SLC26A11: variants seen among roughly 807,000 people sequenced by gnomAD.
SLC26A11 encodes the protein sodium-independent sulfate anion transporter.
SLC26A11 carries 58 observed loss-of-function variants against 62.2 expected under a neutral mutation model. That is an observed-to-expected ratio of 0.93 (90% confidence interval 0.76 to 1.16). The LOEUF is 1.16. Ranked by LOEUF, SLC26A11 falls within the 50% of genes most tolerant of loss-of-function variation. SLC26A11 has a pLI of 0.00. For synonymous variants in SLC26A11, 411 were observed against 368.9 expected (o/e 1.11, Z -1.31); for missense variants, 790 against 794.3 (o/e 0.99, Z 0.06).
chr17:80,229,335 C>T (rs926609178), intron 7 of SLC26A11, among the ~76,000 whole-genome samples: 7 of 152,028 alleles, frequency 4.6e-5, no homozygotes, highest in African/African-American at 7.3e-5. Flanking sequence ...CCAGCCTGGC[C>T]TGGGTTTAGA....
rs2042986143 is a variant in SLC26A11, at chr17:80,246,091, T to C, written c.1098-63T>C. On this transcript the variant is annotated intron_variant, in intron 11 of 17. Coordinates refer to ENST00000361193, the MANE Select transcript of SLC26A11 (RefSeq NM_001166347.2). The surrounding 1 kb of genome is among the most constrained non-coding windows in gnomAD (Gnocchi z 4.4). ...CCCCTCGGAAGATCAGCCACAGGAG[T>C]GTGGACTGAGGTCTCCCTTTTCCCG... The C allele has an allele frequency of 6.3e-6, 10 of 1,577,960 alleles. 1 individual carries two copies. In the South Asian group the frequency reaches 8.9e-5, roughly 14 times the overall value.
intron 5 of SLC26A11, among the ~76,000 whole-genome samples, chr17:80,224,350 T>C (rs1415253142): frequency 2.2e-5 from 3 of 138,494 alleles, no homozygotes; most frequent in Non-Finnish European, 3.1e-5. Context: ...TGAGAGTGGG[T>C]GTGGGTGTGA....
chr17:80,240,168 C>A (rs1441832617), intron 9 of SLC26A11, among the ~76,000 whole-genome samples: 1 of 151,992 alleles, frequency 6.6e-6, no homozygotes, highest in East Asian at 1.9e-4. Flanking sequence ...GAGATGGAGA[C>A]CATCCTGGCT....
intron 10 of SLC26A11, among the ~76,000 whole-genome samples, chr17:80,242,999 G>A (rs2042904974): frequency 6.6e-6 from 1 of 152,056 alleles, no homozygotes; most frequent in South Asian, 2.1e-4. Context: ...GAGCCACCGC[G>A]CCTGGCCCAG....
At chr17:80,238,966 C>T (rs2042780860) in intron 9 of SLC26A11, among the ~76,000 whole-genome samples, 1 of 151,994 alleles carries the variant, frequency 6.6e-6, no homozygotes, top group South Asian at 2.1e-4. Context: ...GCTGGGAATA[C>T]AGGCATGCGC....
rs1411593674 is a variant in SLC26A11 at position 80,228,455 on chromosome 17, C to G, written c.736+495C>G. On this transcript the variant is annotated intron_variant, in intron 7 of 17. Transcript: ENST00000361193. The surrounding 1 kb of genome is among the most constrained non-coding windows in gnomAD (Gnocchi z 4.1). Reference sequence around the variant, plus strand: ...CCCAAACTCTAGAACATTTAAAACTCTGAGCCAAACTCGGTGGGTTCTGAT... The same window carrying G: ...CCCAAACTCTAGAACATTTAAAACTGTGAGCCAAACTCGGTGGGTTCTGAT... Among the ~76,000 whole-genome samples, 1 of 152,198 alleles carries G rather than the reference C, an allele frequency of 6.6e-6. No individual in the cohort carries two copies. The highest frequency in any genetic ancestry group is 1.5e-5 in the Non-Finnish European group (1 of 68,034).
chr17:80,222,862 T>A lies in SLC26A11; in HGVS notation c.427+15T>A. 1 of 1,612,362 alleles carries A rather than the reference T, an allele frequency of 6.2e-7. No homozygotes were observed. On this transcript the variant is annotated intron_variant, in intron 4 of 17. Transcript: ENST00000361193. This position sits in a 1 kb window ranked among gnomAD's most constrained non-coding sequence, Gnocchi z 4.7. The stretch of plus-strand genomic sequence containing the variant: ...CCTGCGTTTGGGTGAGGCTCTACCT[T>A]CTTGCCAAGGGGATGCCCTCGACCT...
At chr17:80,231,141 C>CTT (rs34366910) in intron 7 of SLC26A11, among the ~76,000 whole-genome samples, 3 of 97,488 alleles carry the variant, frequency 3.1e-5, no homozygotes, top group Non-Finnish European at 5.9e-5. Context: ...TAACTTTATC[C>CTT]TTTTTTTTTT....
intron 5 of SLC26A11, 187 bp from the exon 6 acceptor site, chr17:80,225,650 C>T (rs1479238175): frequency 1.2e-5 from 7 of 598,024 alleles, no homozygotes; most frequent in Non-Finnish European, 2.1e-5. Flanking sequence ...CTTTGATCTC[C>T]TGCCCTAGGG....
At chr17:80,251,134 A>C (rs1207570567) in intron 16 of SLC26A11, among the ~76,000 whole-genome samples, 195 bp from the exon 17 acceptor site, 1 of 152,018 alleles carries the variant, frequency 6.6e-6, no homozygotes, top group Non-Finnish European at 1.5e-5. Context: ...CTGTCTCAAA[A>C]AACAAAAAAT....
chr17:80,246,543 C>G lies in SLC26A11; in HGVS notation c.1188C>G (p.Thr396=). 2 of 1,613,376 alleles carry G rather than the reference C, an allele frequency of 1.2e-6. No individual in the cohort carries two copies. Among genetic ancestry groups the G allele is most frequent in the African/African-American group, 2.7e-5 (2 of 75,064 alleles). ...TGCTGCTGTCTCTGGACTACCTGAC[C>G]TCACTGTTCTACTACATCCCCAAGT... ...VLVLLSLDYL[T]SLFYYIPKSA... is the part of the protein sequence containing the mutation. Residue 396 remains threonine, a synonymous_variant, in exon 13 of 18, where the codon ACC becomes ACG. Coordinates refer to ENST00000361193, the MANE Select transcript of SLC26A11 (RefSeq NM_001166347.2). This position sits in a 1 kb window ranked among gnomAD's most constrained non-coding sequence, Gnocchi z 4.4.
intron 15 of SLC26A11, 150 bp downstream of exon 15, chr17:80,248,824 G>A: frequency 1.3e-6 from 1 of 799,598 alleles, no homozygotes; most frequent in Non-Finnish European, 1.9e-6. Context: ...CGTCCTCTGT[G>A]GGCCTCAGCC....
chr17:80,245,380 G>A lies in SLC26A11; in HGVS notation c.1097+124G>A, dbSNP rs892143457. 14 of 889,690 alleles carry A rather than the reference G, an allele frequency of 1.6e-5. No individual in the cohort carries two copies. In the African/African-American group the frequency reaches 2.1e-4, roughly 13 times the overall value. 55.1% of individuals were successfully genotyped at this position (889,690 alleles called of 1,614,324 possible). On this transcript the variant is annotated intron_variant, in intron 11 of 17. Coordinates refer to ENST00000361193, the MANE Select transcript of SLC26A11 (RefSeq NM_001166347.2). Reference sequence around the variant, plus strand: ...CTCCACTGTGAACGCTCCGTGGAGAGGCAGGGCTGGGGGTCACCCACTGTC... The same window carrying A: ...CTCCACTGTGAACGCTCCGTGGAGAAGCAGGGCTGGGGGTCACCCACTGTC...
intron 16 of SLC26A11, 121 bp from the exon 17 acceptor site, chr17:80,251,208 C>G (rs2043145917): frequency 6.3e-7 from 1 of 1,588,872 alleles, no homozygotes; most frequent in South Asian, 1.1e-5. Flanking sequence ...TCACCATTCA[C>G]TGGTATGGAG....
At chr17:80,225,549 T>G in intron 5 of SLC26A11, 3 of 323,682 alleles carry the variant, frequency 9.3e-6, no homozygotes, top group South Asian at 3.6e-5. Flanking sequence ...TGCTGTGGGG[T>G]CACCTACATT....
At chr17:80,224,444 A>AGAGTGC (rs146406421) in intron 5 of SLC26A11, among the ~76,000 whole-genome samples, 36 of 146,900 alleles carry the variant, frequency 2.5e-4, no homozygotes, top group African/African-American at 8.9e-4. Context: ...TGGGTGTGAG[A>AGAGTGC]GTGTGAGTGT....
intron 7 of SLC26A11, among the ~76,000 whole-genome samples, chr17:80,229,532 C>T (rs1487103399): frequency 6.6e-6 from 1 of 152,050 alleles, no homozygotes; most frequent in African/African-American, 2.4e-5. Context: ...TGGTTTCAAG[C>T]AATTATCCCG....
rs1164621680 is a variant in SLC26A11, at chr17:80,237,504, C to T, written c.913-18C>T. 1 of 1,603,698 alleles carries T rather than the reference C, an allele frequency of 6.2e-7. No homozygotes were observed. The highest frequency in any genetic ancestry group is 8.5e-7 in the Non-Finnish European group (1 of 1,175,276). ...ACCCCTTAGGAAGGTCACTCACCAT[C>T]CCTCTCTCCTCTCTCAGGACATGGG... On this transcript the variant is annotated intron_variant, in intron 8 of 17. Transcript: ENST00000361193.
chr17:80,244,259 C>T (rs973932017), intron 10 of SLC26A11, among the ~76,000 whole-genome samples: 18 of 152,176 alleles, frequency 1.2e-4, no homozygotes, highest in African/African-American at 3.9e-4. Context: ...TCTTGGGCCC[C>T]AGCAATGCTG....
Sources: allele counts gnomAD v4.1 joint callset (sites outside exome capture counted in the v4.1 genomes callset), GRCh38; gene constraint gnomAD v4.1.1; non-coding constraint Gnocchi (gnomAD v3.1); transcripts MANE v1.5; gene names NCBI Gene and HGNC (gene_info 2026-07-23, HGNC 2026-07-21).